Variants in GLI2 observed in about 807,000 individuals in gnomAD.
GLI2 encodes the protein transcription activator GLI2.
In GLI2, 22 loss-of-function variants were observed where a neutral mutation model predicts 78.9. That is an observed-to-expected ratio of 0.28 (90% CI 0.20 to 0.40). The LOEUF is 0.40. Among genes scored for constraint, GLI2 ranks in the 10% least tolerant of loss-of-function variants. GLI2 has a pLI of 1.00. For synonymous variants in GLI2, 974 were observed against 963.7 expected (o/e 1.01, Z -0.20); for missense variants, 2,097 against 2,213.2 (o/e 0.95, Z 1.05).
chr2:120,752,299 C>T (rs1682901752), intron 1 of GLI2, among the ~76,000 whole-genome samples: 2 of 138,038 alleles, frequency 1.4e-5, no homozygotes, highest in South Asian at 4.5e-4. Flanking sequence ...GAGACGGAGT[C>T]TCTGTCTGTT....
At chr2:120,783,030 G>A (rs1408020682) in intron 1 of GLI2, among the ~76,000 whole-genome samples, 1 of 152,178 alleles carries the variant, frequency 6.6e-6, no homozygotes, top group Non-Finnish European at 1.5e-5. Context: ...AGGAGAGGGG[G>A]AAGGAGCAAG....
At chr2:120,932,653 C>A (rs1679999149) in intron 3 of GLI2, among the ~76,000 whole-genome samples, 1 of 152,074 alleles carries the variant, frequency 6.6e-6, no homozygotes, top group Non-Finnish European at 1.5e-5. Flanking sequence ...ACCCACATAA[C>A]CCAGCCAACT....
intron 5 of GLI2, among the ~76,000 whole-genome samples, chr2:120,956,353 T>C (rs1009155544): frequency 6.6e-6 from 1 of 152,102 alleles, no homozygotes; most frequent in African/African-American, 2.4e-5. Context: ...TCAGGTATCC[T>C]GGGTAGATGA....
chr2:120,752,615 C>A (rs1196657655), intron 1 of GLI2, among the ~76,000 whole-genome samples: 1 of 152,006 alleles, frequency 6.6e-6, no homozygotes, highest in African/African-American at 2.4e-5. Flanking sequence ...AGTAATATAC[C>A]TACATGGTTA....
At chr2:120,956,016 A>T (rs1042806835) in intron 5 of GLI2, among the ~76,000 whole-genome samples, 2 of 152,098 alleles carry the variant, frequency 1.3e-5, no homozygotes, top group South Asian at 4.1e-4. Context: ...CTCAGAAGAG[A>T]CTGGCTTTCA....
chr2:120,857,343 G>GCCCACTCACCCACCGA (rs1553457440), intron 2 of GLI2, among the ~76,000 whole-genome samples: 1 of 99,632 alleles, frequency 1.0e-5, no homozygotes, highest in African/African-American at 4.4e-5. Context: ...CTACCCATCT[G>GCCCACTCACCCACCGA]CCCACCCACC....
At chr2:120,749,239 G>C (rs1288369941) in intron 1 of GLI2, among the ~76,000 whole-genome samples, 2 of 152,154 alleles carry the variant, frequency 1.3e-5, no homozygotes. Context: ...GGAAGAAAAT[G>C]GCATTTTCCC....
intron 1 of GLI2, among the ~76,000 whole-genome samples, chr2:120,792,899 G>A (rs765734294): frequency 6.6e-5 from 10 of 152,332 alleles, no homozygotes; most frequent in Non-Finnish European, 1.3e-4. Flanking sequence ...GGGATTACAG[G>A]CATGAGCCAC....
rs1490731103 is a variant in GLI2, at chr2:120,971,935, C to T, written c.1060-6C>T. On this transcript the variant is annotated splice_polypyrimidine_tract_variant and splice_region_variant and intron_variant, in intron 7 of 13. Transcript: ENST00000361492. ...GTAACAGACTGTCCTCTGCACCCTT[C>T]CTCAGAACAAGCAGAGCAGTGAGTC... The T allele has an allele frequency of 2.5e-6, 4 of 1,613,614 alleles. No individual in the cohort carries two copies. Among genetic ancestry groups the T allele is most frequent in the Non-Finnish European group, 2.5e-6 (3 of 1,179,772 alleles).
chr2:120,878,706 A>G (rs920657393), intron 2 of GLI2, among the ~76,000 whole-genome samples: 8 of 152,150 alleles, frequency 5.3e-5, no homozygotes, highest in African/African-American at 1.9e-4. Context: ...AGGCCAAGGC[A>G]GGCGGATCAC....
intron 1 of GLI2, among the ~76,000 whole-genome samples, chr2:120,773,466 T>C (rs1313544373): frequency 6.6e-6 from 1 of 152,180 alleles, no homozygotes; most frequent in Non-Finnish European, 1.5e-5. Flanking sequence ...ATTCAGGCAC[T>C]GCAGCCTGAC....
intron 2 of GLI2, among the ~76,000 whole-genome samples, chr2:120,885,149 C>T (rs992778193): frequency 3.9e-5 from 6 of 152,328 alleles, no homozygotes; most frequent in Admixed American, 1.3e-4. Context: ...ATCTCATCAC[C>T]CCCAGGGAAG....
rs533819948 is a variant in GLI2 at position 120,918,242 on chromosome 2, A to G, written c.149-9119A>G. 8.5e-5 allele frequency among the ~76,000 whole-genome samples: 13 copies of G among 152,246 alleles called. No individual in the cohort carries two copies. In the South Asian group the frequency reaches 2.3e-3, roughly 27 times the overall value. On this transcript the variant is annotated intron_variant, in intron 2 of 13. Coordinates refer to ENST00000361492, the MANE Select transcript of GLI2 (RefSeq NM_001374353.1). The stretch of plus-strand genomic sequence containing the variant: ...CATCGTATCCCTAGATCAGACCTGG[A>G]TGGCTGAAGGAGGGAGCATCGGTGG...
intron 3 of GLI2, among the ~76,000 whole-genome samples, chr2:120,940,646 A>AT (rs1680407728): frequency 6.6e-6 from 1 of 152,196 alleles, no homozygotes; most frequent in African/African-American, 2.4e-5. Context: ...TGGCATGGTG[A>AT]TTCGGCCAAA....
chr2:120,780,567 G>A (rs1156776341), intron 1 of GLI2, among the ~76,000 whole-genome samples: 1 of 152,238 alleles, frequency 6.6e-6, no homozygotes, highest in African/African-American at 2.4e-5. Context: ...AGCAGGCAGA[G>A]TGGTGTGGGA....
chr2:120,837,711 A>G (rs1035582994), intron 2 of GLI2, among the ~76,000 whole-genome samples: 24 of 152,182 alleles, frequency 1.6e-4, no homozygotes, highest in African/African-American at 5.6e-4. Context: ...GTTTTACTTT[A>G]TCTATGTGAA....
At chr2:120,795,953 A>G (rs761254821) in intron 1 of GLI2, among the ~76,000 whole-genome samples, 2 of 152,184 alleles carry the variant, frequency 1.3e-5, no homozygotes, top group African/African-American at 4.8e-5. Context: ...GGATTGCAGG[A>G]GAATCACTTG....
chr2:120,916,544 C>T (rs779925657), intron 2 of GLI2, among the ~76,000 whole-genome samples: 12 of 152,244 alleles, frequency 7.9e-5, no homozygotes, highest in Non-Finnish European at 1.5e-4. Context: ...CTCGCTGAAT[C>T]CCGCAGGGTC....
chr2:120,817,163 G>T (rs938827366), intron 2 of GLI2, among the ~76,000 whole-genome samples: 16 of 152,216 alleles, frequency 1.1e-4, no homozygotes, highest in African/African-American at 3.9e-4. Context: ...TGAGAGGACC[G>T]CTGCTCTATG....
Sources: gnomAD v4.1 joint callset for allele counts (sites outside exome capture counted in the v4.1 genomes callset) on GRCh38, gnomAD v4.1.1 for gene constraint, MANE v1.5 for transcripts, NCBI Gene and HGNC (gene_info 2026-07-23, HGNC 2026-07-21) for gene names.